SMCO1: variants seen among roughly 807,000 people sequenced by gnomAD.
The protein encoded by SMCO1 is single-pass membrane and coiled-coil domain-containing protein 1.
In SMCO1, 9 loss-of-function variants were observed where a neutral mutation model predicts 7.5. The ratio of observed to expected loss-of-function variants is 1.20; its 90% CI spans 0.72 to 2.09. The LOEUF is 2.09. SMCO1 is among the 30% of genes most tolerant of loss of function. The pLI, the probability that SMCO1 is intolerant of heterozygous loss-of-function variation, is 0.00. For synonymous variants in SMCO1, 90 were observed against 93.8 expected (o/e 0.96, Z 0.23); for missense variants, 219 against 253.1 (o/e 0.87, Z 0.91).
chr3:196,520,758 G>A, the SMCO1 span, among the ~76,000 whole-genome samples: 1 of 152,164 alleles, frequency 6.6e-6, no homozygotes, highest in Non-Finnish European at 1.5e-5. Context: ...AGAAAAATAT[G>A]GAGATGTGTG....
chr3:196,520,179 C>A (rs929137609), upstream of SMCO1, among the ~76,000 whole-genome samples: 1 of 152,166 alleles, frequency 6.6e-6, no homozygotes, highest in Non-Finnish European at 1.5e-5. Context: ...GACAGACAAA[C>A]CCGCTGGAGG....
intron 1 of SMCO1, among the ~76,000 whole-genome samples, chr3:196,511,462 C>G (rs57142986): frequency 0.045 from 1,750 of 39,286 alleles, 38 homozygotes; most frequent in African/African-American, 0.12. Flanking sequence ...CACCTAGATT[C>G]TCATTATGAG....
intron 1 of SMCO1, among the ~76,000 whole-genome samples, chr3:196,511,011 A>G (rs557369188): frequency 1.8e-4 from 28 of 152,304 alleles, no homozygotes; most frequent in African/African-American, 6.7e-4. Flanking sequence ...AATTAACCAC[A>G]AAGACTGGAG....
At chr3:196,515,716 T>C (rs1009530895), upstream of SMCO1, among the ~76,000 whole-genome samples, 2 of 151,828 alleles carry the variant, frequency 1.3e-5, no homozygotes, top group Non-Finnish European at 2.9e-5. Context: ...AAATACTTGT[T>C]ATGGCTGGGT....
chr3:196,511,782 G>A (rs1236229999), intron 1 of SMCO1, among the ~76,000 whole-genome samples: 111 of 121,710 alleles, frequency 9.1e-4, no homozygotes, highest in African/African-American at 5.3e-3. Flanking sequence ...AACCTGCCTG[G>A]GCCGCCTAGA....
At chr3:196,517,104 C>CAAAAAAAAAAAAAAAAAAAAAAAAAAAA (rs56104987), upstream of SMCO1, among the ~76,000 whole-genome samples, 1 of 35,740 alleles carries the variant, frequency 2.8e-5, no homozygotes, top group African/African-American at 1.6e-4. Context: ...GACTCCATCG[C>CAAAAAAAAAAAAAAAAAAAAAAAAAAAA]AAAAAAAAAA....
At position 196,507,070 on chromosome 3, in the gene SMCO1, G is replaced by A. The variant is rs1733064402; in HGVS notation, c.*817C>T. On this transcript the variant is annotated 3_prime_UTR_variant, in exon 3 of 3. Transcript: ENST00000397537. ...TCAGAAATAGGCACGATAGTGTAGA[G>A]GACCAATCGCGGAAGGGTAGGTATG... is the stretch of plus-strand genomic sequence containing the variant. 1 of 152,196 alleles carries A rather than the reference G, an allele frequency of 6.6e-6. No individual in the cohort carries two copies. The highest frequency in any genetic ancestry group is 1.5e-5 in the Non-Finnish European group (1 of 68,060). The allele number at this position is 152,196 out of a possible 1,614,324, so 9.4% of individuals were successfully genotyped here.
In SMCO1 at chr3:196,514,492, A is replaced by G. The variant is rs143221480; in HGVS notation, c.50+668T>C. On this transcript the variant is annotated intron_variant, in intron 1 of 2. Transcript: ENST00000397537. ...GGCAAAATTGGTTGATCCTCCCTTCATGTTCGCATAGACCTTTAGGAACAT... is the reference window on the plus strand; with the variant it reads ...GGCAAAATTGGTTGATCCTCCCTTCGTGTTCGCATAGACCTTTAGGAACAT... Among the ~76,000 whole-genome samples the G allele has an allele frequency of 3.7e-3, 557 of 152,240 alleles. 6 individuals carry two copies. Among genetic ancestry groups the G allele is most frequent in the African/African-American group, 0.012 (509 of 41,546 alleles).
At chr3:196,508,371 A>G (rs1333834331) in intron 2 of SMCO1, 40 bp from the exon 3 acceptor site, 6 of 1,507,576 alleles carry the variant, frequency 4.0e-6, no homozygotes, top group Non-Finnish European at 5.3e-6. Flanking sequence ...GGTCAAAAAT[A>G]TTTTATATAG....
chr3:196,511,231 A>G (rs1207342749), intron 1 of SMCO1, among the ~76,000 whole-genome samples: 4 of 137,106 alleles, frequency 2.9e-5, no homozygotes, highest in African/African-American at 1.0e-4. Flanking sequence ...TGCCTGAGCC[A>G]CCTAGATTGT....
chr3:196,515,141 C>T lies in SMCO1; in HGVS notation c.50+19G>A, dbSNP rs745932403. The stretch of plus-strand genomic sequence containing the variant: ...AATAGCAGACCCATGCTTGCTCCCT[C>T]CCTATAGCCCTCAGCAACCTTTTCA... On this transcript the variant is annotated intron_variant, in intron 1 of 2. Coordinates refer to ENST00000397537, the MANE Select transcript of SMCO1 (RefSeq NM_001077657.3). 1 of 1,613,928 alleles carries T rather than the reference C, an allele frequency of 6.2e-7. No individual in the cohort carries two copies. Among genetic ancestry groups the T allele is most frequent in the Non-Finnish European group, 8.5e-7 (1 of 1,179,778 alleles).
chr3:196,509,278 G>GA lies in SMCO1; in HGVS notation c.200+241_200+242insT, dbSNP rs1291186135. Among the ~76,000 whole-genome samples the GA allele has an allele frequency of 1.1e-4, 17 of 149,728 alleles. 1 individual carries two copies. Among genetic ancestry groups the GA allele is most frequent in the Middle Eastern group, 3.4e-3 (1 of 292 alleles). On this transcript the variant is annotated intron_variant, in intron 2 of 2. Coordinates refer to ENST00000397537, the MANE Select transcript of SMCO1 (RefSeq NM_001077657.3). Reference sequence around the variant, plus strand: ...GCAGGGTTTCACTGTGTCAGCCAGGGTGGTCTCGATCTCCTGACCTCGTGA... The same window carrying GA: ...GCAGGGTTTCACTGTGTCAGCCAGGGATGGTCTCGATCTCCTGACCTCGTGA...
chr3:196,510,257 C>A (rs1041774248), intron 1 of SMCO1, among the ~76,000 whole-genome samples: 6 of 152,296 alleles, frequency 3.9e-5, no homozygotes, highest in African/African-American at 1.2e-4. Context: ...CATGAGCCAC[C>A]ATGCCCGGGC....
At position 196,509,530 on chromosome 3, in the gene SMCO1, G is replaced by C. The variant is rs11926701; in HGVS notation, c.190C>G (p.Arg64Gly). ...TCAATTGATACTCACTGGAGTGCCC[G>C]AACTGCTGTCCACATCTCATCTTGG... Reference protein sequence around the residue: ...AAQDEMWTAVRALQLTSMELN... With the variant: ...AAQDEMWTAVGALQLTSMELN... Residue 64 changes from arginine (R) to glycine (G), a missense_variant, in exon 2 of 3, where the codon CGG (arginine) becomes GGG (glycine). Physicochemically the swap from Arg to Gly is moderately radical, Grantham distance 125. Coordinates refer to ENST00000397537, the MANE Select transcript of SMCO1 (RefSeq NM_001077657.3). 1 of 1,612,876 alleles carries C rather than the reference G, an allele frequency of 6.2e-7. No individual in the cohort carries two copies. The highest frequency in any genetic ancestry group is 8.5e-7 in the Non-Finnish European group (1 of 1,179,420).
upstream of SMCO1, among the ~76,000 whole-genome samples, chr3:196,517,774 G>A (rs1319300408): frequency 6.6e-5 from 10 of 152,216 alleles, no homozygotes; most frequent in Admixed American, 5.9e-4. Context: ...GGTTCAAGCA[G>A]GTCTCCTGCC....
chr3:196,514,399 C>G (rs1024447111), intron 1 of SMCO1, among the ~76,000 whole-genome samples: 1 of 152,164 alleles, frequency 6.6e-6, no homozygotes, highest in South Asian at 2.1e-4. Flanking sequence ...CCCTCATAAG[C>G]TCCTACTTGC....
At position 196,507,977 on chromosome 3, in the gene SMCO1, A is replaced by G; in HGVS notation, c.555T>C (p.Ala185=). ...CTTTCCCCTTCTCAATTACCTGCAC[A>G]GCCCTCAGCAAACTGTCCTGCAGAG... ...NQALQDSLLR[A]VQVIEKGKAV... Residue 185 remains alanine, a synonymous_variant, in exon 3 of 3, where the codon GCT becomes GCC. Transcript: ENST00000397537. 1 of 1,614,188 alleles carries G rather than the reference A, an allele frequency of 6.2e-7. No homozygotes were observed. The highest frequency in any genetic ancestry group is 8.5e-7 in the Non-Finnish European group (1 of 1,180,040).
chr3:196,508,563 A>G (rs1181164258), intron 2 of SMCO1, among the ~76,000 whole-genome samples: 1 of 151,694 alleles, frequency 6.6e-6, no homozygotes, highest in Non-Finnish European at 1.5e-5. Context: ...CCTGAGCTCA[A>G]GTGATCCTGT....
chr3:196,516,581 A>T (rs1485791877), upstream of SMCO1, among the ~76,000 whole-genome samples: 1 of 152,234 alleles, frequency 6.6e-6, no homozygotes, highest in Non-Finnish European at 1.5e-5. Flanking sequence ...TTATTCACTT[A>T]TTCAATATTT....
Sources: allele counts gnomAD v4.1 joint callset (sites outside exome capture counted in the v4.1 genomes callset), GRCh38; gene constraint gnomAD v4.1.1; transcripts MANE v1.5; gene names NCBI Gene and HGNC (gene_info 2026-07-23, HGNC 2026-07-21).